OLFML1: variants seen among roughly 807,000 people sequenced by gnomAD.
OLFML1 encodes the protein olfactomedin-like protein 1.
A neutral mutation model predicts 37.3 loss-of-function variants in OLFML1; 33 were observed. The ratio of observed to expected loss-of-function variants is 0.88; its 90% CI spans 0.67 to 1.18. The LOEUF (loss-of-function observed/expected upper bound fraction) is 1.18. Among genes scored for constraint, OLFML1 ranks in the 50% most tolerant of loss-of-function variants. OLFML1 has a pLI of 0.00. For synonymous variants in OLFML1, 186 were observed against 181.3 expected (o/e 1.03, Z -0.21); for missense variants, 545 against 483.7 (o/e 1.13, Z -1.19).
chr11:7,505,116 T>TA (rs1463359079), intron 2 of OLFML1, among the ~76,000 whole-genome samples: 1 of 150,730 alleles, frequency 6.6e-6, no homozygotes, highest in Non-Finnish European at 1.5e-5. Context: ...TTTTTTTTTT[T>TA]AGAGATGGGG....
chr11:7,491,314 C>T (rs1848594796), intron 2 of OLFML1, among the ~76,000 whole-genome samples: 1 of 152,142 alleles, frequency 6.6e-6, no homozygotes, highest in Non-Finnish European at 1.5e-5. Flanking sequence ...TCCGACCACA[C>T]AAGTCTGTAT....
intron 2 of OLFML1, among the ~76,000 whole-genome samples, chr11:7,507,838 C>T (rs10769797): frequency 0.45 from 68,708 of 152,090 alleles, 15,827 homozygotes; most frequent in Middle Eastern, 0.48. Context: ...TGAGCCACCA[C>T]GCCCAGCCTA....
Position 7,485,979 on chromosome 11 carries a change from T to C in OLFML1, c.104T>C (p.Ile35Thr), listed in dbSNP as rs140792113. 4.5e-5 allele frequency: 72 copies of C among 1,614,080 alleles called. No homozygotes were observed. Among genetic ancestry groups the C allele is most frequent in the Middle Eastern group, 3.3e-4 (2 of 6,058 alleles). Residue 35 changes from isoleucine to threonine, a missense_variant, in exon 1 of 3, where the codon ATC (isoleucine) becomes ACC (threonine). Physicochemically the swap from Ile to Thr is moderately conservative, Grantham distance 89 (BLOSUM62 -1). Transcript: ENST00000329293. ...CAGGACCCAGCCATGGTGCATTACATCTACCAGCGCTTTCGAGTCTTGGAG... is the reference window on the plus strand; with the variant it reads ...CAGGACCCAGCCATGGTGCATTACACCTACCAGCGCTTTCGAGTCTTGGAG... ...CTQDPAMVHY[I>T]YQRFRVLEQG... is the part of the protein sequence containing the mutation.
In OLFML1 at chr11:7,485,820, G is replaced by C; in HGVS notation, c.-56G>C. 4 of 1,586,254 alleles carry C rather than the reference G, an allele frequency of 2.5e-6. No individual in the cohort carries two copies. Among genetic ancestry groups the C allele is most frequent in the Admixed American group, 3.4e-5 (2 of 58,594 alleles). On this transcript the variant is annotated 5_prime_UTR_variant, in exon 1 of 3. Transcript: ENST00000329293. Reference sequence around the variant, plus strand: ...AGGAGAGCACCACCGGAGCCCTTGAGACATCCTTGAGAAGAGCCACAGCAT... The same window carrying C: ...AGGAGAGCACCACCGGAGCCCTTGACACATCCTTGAGAAGAGCCACAGCAT...
chr11:7,501,404 T>C (rs1277258096), intron 2 of OLFML1, among the ~76,000 whole-genome samples: 1 of 152,158 alleles, frequency 6.6e-6, no homozygotes, highest in African/African-American at 2.4e-5. Context: ...CCCAGAACAA[T>C]GTTGACCCAG....
chr11:7,498,245 T>C (rs373224193), intron 2 of OLFML1, among the ~76,000 whole-genome samples: 1 of 152,248 alleles, frequency 6.6e-6, no homozygotes, highest in South Asian at 2.1e-4. Flanking sequence ...CAGATGAGAA[T>C]GACCATCTAA....
Position 7,488,290 on chromosome 11 carries a change from A to C in OLFML1, c.293A>C (p.Glu98Ala). ...LALRVERAQREIDYIQYLREA... is the reference protein window; with the variant it reads ...LALRVERAQRAIDYIQYLREA... ...CTGAGAGTTGAACGTGCCCAACGGG[A>C]GATTGACTACATACAATACCTTCGA... Residue 98 changes from glutamate (E) to alanine (A), a missense_variant, in exon 2 of 3, where the codon GAG (glutamate) becomes GCG (alanine). Transcript: ENST00000329293. 6.2e-7 allele frequency: 1 copy of C among 1,614,108 alleles called. No individual in the cohort carries two copies. The highest frequency in any genetic ancestry group is 8.5e-7 in the Non-Finnish European group (1 of 1,180,004).
At chr11:7,503,039 A>G (rs1027483980) in intron 2 of OLFML1, among the ~76,000 whole-genome samples, 4 of 152,240 alleles carry the variant, frequency 2.6e-5, no homozygotes, top group African/African-American at 9.6e-5. Flanking sequence ...AGTAGGCAGA[A>G]AGAGAGTTTG....
chr11:7,499,449 T>C (rs1848696530), intron 2 of OLFML1, among the ~76,000 whole-genome samples: 1 of 152,226 alleles, frequency 6.6e-6, no homozygotes, highest in South Asian at 2.1e-4. Context: ...TTGAACACTG[T>C]AAATATATTA....
At chr11:7,497,890 A>C (rs1394611893) in intron 2 of OLFML1, among the ~76,000 whole-genome samples, 1 of 152,166 alleles carries the variant, frequency 6.6e-6, no homozygotes, top group African/African-American at 2.4e-5. Context: ...TGCAATGCCA[A>C]ATTGCCCCAT....
At chr11:7,503,591 TG>T (rs1241375683) in intron 2 of OLFML1, among the ~76,000 whole-genome samples, 3 of 152,208 alleles carry the variant, frequency 2.0e-5, no homozygotes, top group African/African-American at 7.2e-5. Context: ...AGAGGATCAC[TG>T]GAAGTGAGGA....
intron 2 of OLFML1, among the ~76,000 whole-genome samples, chr11:7,493,322 A>T (rs569693269): frequency 9.8e-5 from 15 of 152,370 alleles, no homozygotes; most frequent in African/African-American, 3.6e-4. Context: ...CAAAACCATT[A>T]AAAGCAAGAC....
Position 7,510,284 on chromosome 11 carries a change from C to A in OLFML1, c.*96C>A. ...CTTCACAATATAGTATCCCTCTAAT[C>A]ACACACAGGAAGAGTGTGTAGAAGT... On this transcript the variant is annotated 3_prime_UTR_variant, in exon 3 of 3. Transcript: ENST00000329293. 1.0e-6 allele frequency: 1 copy of A among 956,624 alleles called. No individual in the cohort carries two copies. The highest frequency in any genetic ancestry group is 1.5e-6 in the Non-Finnish European group (1 of 656,578). The allele number at this position is 956,624 out of a possible 1,614,324, so 59.3% of individuals were successfully genotyped here.
At chr11:7,495,498 A>C (rs376277350) in intron 2 of OLFML1, among the ~76,000 whole-genome samples, 11 of 152,292 alleles carry the variant, frequency 7.2e-5, no homozygotes, top group East Asian at 3.9e-4. Flanking sequence ...AAAGTGGATA[A>C]GAAGCCAACA....
At chr11:7,492,635 C>T (rs1396729527) in intron 2 of OLFML1, among the ~76,000 whole-genome samples, 1 of 152,148 alleles carries the variant, frequency 6.6e-6, no homozygotes, top group Non-Finnish European at 1.5e-5. Context: ...AGCCTTTATT[C>T]AGAGATTATC....
At chr11:7,490,208 T>C (rs1361901557) in intron 2 of OLFML1, among the ~76,000 whole-genome samples, 2 of 151,120 alleles carry the variant, frequency 1.3e-5, no homozygotes. Context: ...CTGCCTATAA[T>C]ATGAAGCAAT....
rs1848857909 is a variant in OLFML1, at chr11:7,511,318, A to G, written c.*1130A>G. Reference sequence around the variant, plus strand: ...CTCTTTCTGCTTTAAATTCAATAAAAGTGACACTGAGCAAATAACCTCATC... The same window carrying G: ...CTCTTTCTGCTTTAAATTCAATAAAGGTGACACTGAGCAAATAACCTCATC... On this transcript the variant is annotated 3_prime_UTR_variant, in exon 3 of 3. Coordinates refer to ENST00000329293, the MANE Select transcript of OLFML1 (RefSeq NM_198474.4). The G allele has an allele frequency of 6.6e-6, 1 of 152,236 alleles. No individual in the cohort carries two copies. Among genetic ancestry groups the G allele is most frequent in the Non-Finnish European group, 1.5e-5 (1 of 68,054 alleles). The allele number at this position is 152,236 out of a possible 1,614,324, so 9.4% of individuals were successfully genotyped here.
chr11:7,510,161 G>A lies in OLFML1; in HGVS notation c.1182G>A (p.Gln394=), dbSNP rs1300801577. The change falls in exon 3 of 3, where the codon CAG becomes CAA. Residue 394 remains glutamine (Q), a synonymous_variant. Transcript: ENST00000329293. ...GAAACCAGATCATTTACAAACTCCA[G>A]ACAAAGAGAAAGCTGCCTCTGAAGT... ...NEGNQIIYKL[Q]TKRKLPLK is the part of the protein sequence containing the mutation. The A allele has an allele frequency of 6.2e-7, 1 of 1,609,588 alleles. No homozygotes were observed. The highest frequency in any genetic ancestry group is 8.5e-7 in the Non-Finnish European group (1 of 1,179,474).
intron 2 of OLFML1, among the ~76,000 whole-genome samples, chr11:7,508,882 A>G (rs1848817552): frequency 6.6e-6 from 1 of 152,240 alleles, no homozygotes; most frequent in Non-Finnish European, 1.5e-5. Flanking sequence ...TAGTGTCTTC[A>G]CACCTAAGTC....
Sources: allele counts gnomAD v4.1 joint callset (sites outside exome capture counted in the v4.1 genomes callset), GRCh38; gene constraint gnomAD v4.1.1; transcripts MANE v1.5; gene names NCBI Gene and HGNC (gene_info 2026-07-23, HGNC 2026-07-21).